SPOCK3: variants seen among roughly 807,000 people sequenced by gnomAD.
SPOCK3 encodes the protein SPARC (osteonectin), cwcv and kazal like domains proteoglycan 3.
In SPOCK3, 30 loss-of-function variants were observed where a neutral mutation model predicts 56.6. The ratio of observed to expected loss-of-function variants is 0.53; its 90% CI spans 0.40 to 0.72. The LOEUF (loss-of-function observed/expected upper bound fraction) is 0.72, where lower values mean the gene tolerates loss of function less well. SPOCK3 is among the 30% of genes least tolerant of loss of function. The probability of loss-of-function intolerance (pLI) is 0.00; values close to 1 mark genes in which losing one functional copy is unlikely to be tolerated. For synonymous variants in SPOCK3, 196 were observed against 183.3 expected (o/e 1.07, Z -0.56); for missense variants, 527 against 530.0 (o/e 0.99, Z 0.06).
Position 166,841,289 on chromosome 4 carries a change from T to C in SPOCK3, c.589+47841A>G, listed in dbSNP as rs190685098. Among the ~76,000 whole-genome samples, 745 of 152,222 alleles carry C rather than the reference T, an allele frequency of 4.9e-3. 8 individuals are homozygous for C. The highest frequency in any genetic ancestry group is 0.017 in the African/African-American group (715 of 41,506). ...ATTTCTTCAATCATTTCCATTTCTGTCTGTGGAGTTCCAGATGTTAGCCAT... is the reference window on the plus strand; with the variant it reads ...ATTTCTTCAATCATTTCCATTTCTGCCTGTGGAGTTCCAGATGTTAGCCAT... On this transcript the variant is annotated intron_variant, in intron 6 of 10. Coordinates refer to ENST00000357545, the MANE Select transcript of SPOCK3 (RefSeq NM_001040159.2).
chr4:167,066,299 C>T (rs1756125736), intron 2 of SPOCK3, among the ~76,000 whole-genome samples: 3 of 151,888 alleles, frequency 2.0e-5, no homozygotes, highest in South Asian at 2.1e-4. Context: ...CTATTGTGTG[C>T]ATTGCTCGCT....
chr4:167,099,538 A>T (rs1236084767), intron 2 of SPOCK3, among the ~76,000 whole-genome samples: 1 of 152,046 alleles, frequency 6.6e-6, no homozygotes, highest in Non-Finnish European at 1.5e-5. Context: ...TGACACACAA[A>T]TTTCTGTAAA....
At chr4:167,015,795 C>T (rs77656563) in intron 3 of SPOCK3, among the ~76,000 whole-genome samples, 118 of 152,152 alleles carry the variant, frequency 7.8e-4, no homozygotes, top group African/African-American at 2.8e-3. Context: ...CACTCATAGC[C>T]CTTTCGGTAA....
chr4:166,785,569 CATT>C (rs1740645194), intron 7 of SPOCK3, among the ~76,000 whole-genome samples: 1 of 152,058 alleles, frequency 6.6e-6, no homozygotes, highest in South Asian at 2.1e-4. Context: ...CTATATATTT[CATT>C]ATATTTTAAA....
intron 6 of SPOCK3, among the ~76,000 whole-genome samples, chr4:166,883,795 A>G (rs1733914813): frequency 6.6e-6 from 1 of 152,190 alleles, no homozygotes; most frequent in African/African-American, 2.4e-5. Flanking sequence ...TAATACACAC[A>G]TTCTGATAGA....
intron 4 of SPOCK3, among the ~76,000 whole-genome samples, chr4:166,953,966 G>T (rs558999313): frequency 5.9e-5 from 9 of 152,098 alleles, no homozygotes; most frequent in African/African-American, 1.9e-4. Context: ...GATAGCATTG[G>T]GAGATATATC....
At chr4:166,784,236 A>G (rs1740496644) in intron 7 of SPOCK3, among the ~76,000 whole-genome samples, 1 of 152,172 alleles carries the variant, frequency 6.6e-6, no homozygotes, top group South Asian at 2.1e-4. Flanking sequence ...TAGCAGATCC[A>G]ATGCAGTAAT....
At chr4:167,105,463 TA>T (rs552028589) in intron 2 of SPOCK3, among the ~76,000 whole-genome samples, 14,726 of 98,664 alleles carry the variant, frequency 0.15, 976 homozygotes, top group East Asian at 0.2. Context: ...ACACAAAAAT[TA>T]AAAAAAAAAA....
intron 2 of SPOCK3, among the ~76,000 whole-genome samples, chr4:167,171,686 AT>A (rs1730509738): frequency 6.6e-6 from 1 of 152,080 alleles, no homozygotes; most frequent in African/African-American, 2.4e-5. Flanking sequence ...AAGTAAGAAT[AT>A]TTTGAAAGTT....
chr4:166,768,999 T>G (rs1560836803), intron 7 of SPOCK3, among the ~76,000 whole-genome samples: 1 of 152,238 alleles, frequency 6.6e-6, no homozygotes, highest in Admixed American at 6.5e-5. Flanking sequence ...AGCTTGTGCA[T>G]TCATCATGTA....
At chr4:166,769,057 T>C (rs1301498855) in intron 7 of SPOCK3, among the ~76,000 whole-genome samples, 1 of 152,198 alleles carries the variant, frequency 6.6e-6, no homozygotes, top group Non-Finnish European at 1.5e-5. Flanking sequence ...TAAGGACTTC[T>C]CTACAGTGGT....
intron 3 of SPOCK3, among the ~76,000 whole-genome samples, chr4:167,031,934 T>C (rs897167989): frequency 6.6e-6 from 1 of 152,050 alleles, no homozygotes; most frequent in African/African-American, 2.4e-5. Context: ...ATTCCTTTAT[T>C]TGAAGTATCT....
rs141622816 is a variant in SPOCK3, at chr4:166,803,042, CAAAT to C, written c.590-10757_590-10754del. Among the ~76,000 whole-genome samples, 104 of 152,162 alleles carry C rather than the reference CAAAT, an allele frequency of 6.8e-4. 2 individuals are homozygous for C. The East Asian group carries it at 0.017, about 24-fold the overall frequency. Reference sequence around the variant, plus strand: ...AACTTGGTCTCCAATTGCTCTCTGACAAATAAAGCACACACACATGAGCACACAT... The same window carrying C: ...AACTTGGTCTCCAATTGCTCTCTGACAAAGCACACACACATGAGCACACAT... On this transcript the variant is annotated intron_variant, in intron 6 of 10. Coordinates refer to ENST00000357545, the MANE Select transcript of SPOCK3 (RefSeq NM_001040159.2).
intron 3 of SPOCK3, among the ~76,000 whole-genome samples, chr4:167,030,082 A>G (rs1752110328): frequency 1.1e-5 from 1 of 95,132 alleles, no homozygotes; most frequent in Admixed American, 1.2e-4. Flanking sequence ...TTAATGGCTC[A>G]TTCTATCTAT....
chr4:166,959,791 T>G (rs1743933656), intron 4 of SPOCK3, among the ~76,000 whole-genome samples: 2 of 152,214 alleles, frequency 1.3e-5, no homozygotes, highest in Non-Finnish European at 2.9e-5. Flanking sequence ...AAAATTACAT[T>G]GACTATTTTA....
intron 2 of SPOCK3, among the ~76,000 whole-genome samples, chr4:167,117,957 C>T (rs918841228): frequency 3.9e-5 from 6 of 152,126 alleles, no homozygotes; most frequent in Admixed American, 1.3e-4. Flanking sequence ...AGCAGAAAAA[C>T]AGTGAGAGGA....
chr4:166,968,290 A>T (rs1439379282), intron 4 of SPOCK3, among the ~76,000 whole-genome samples: 2 of 152,218 alleles, frequency 1.3e-5, no homozygotes, highest in African/African-American at 4.8e-5. Flanking sequence ...AGGTGGCAGA[A>T]ATTTGCATAA....
At chr4:167,095,436 T>C (rs1759066466) in intron 2 of SPOCK3, among the ~76,000 whole-genome samples, 1 of 152,060 alleles carries the variant, frequency 6.6e-6, no homozygotes, top group Non-Finnish European at 1.5e-5. Context: ...TATTCTATTC[T>C]CTGACTAATC....
chr4:166,934,847 A>G (rs953032058), intron 4 of SPOCK3, among the ~76,000 whole-genome samples: 1 of 150,162 alleles, frequency 6.7e-6, no homozygotes, highest in Admixed American at 7.0e-5. Flanking sequence ...GAAGACAAAC[A>G]AAGAAGCAAA....
Sources: allele counts gnomAD v4.1 joint callset (sites outside exome capture counted in the v4.1 genomes callset), GRCh38; gene constraint gnomAD v4.1.1; transcripts MANE v1.5; gene names NCBI Gene and HGNC (gene_info 2026-07-23, HGNC 2026-07-21).